The following PACS2 variants were observed in gnomAD, a reference collection of about 807,000 sequenced individuals.
The protein encoded by PACS2 is phosphofurin acidic cluster sorting protein 2, also known as PACS1-like protein.
In PACS2, 36 loss-of-function variants were observed where a neutral mutation model predicts 113.0. That is an observed-to-expected ratio of 0.32 (90% CI 0.24 to 0.42). PACS2 has a LOEUF of 0.42. Among genes scored for constraint, PACS2 ranks in the 10% least tolerant of loss-of-function variants. PACS2 has a pLI of 1.00. For synonymous variants in PACS2, 589 were observed against 536.1 expected (o/e 1.10, Z -1.36); for missense variants, 1,015 against 1,239.5 (o/e 0.82, Z 2.72).
chr14:105,316,788 G>C (rs587631652), intron 1 of PACS2, among the ~76,000 whole-genome samples: 1 of 152,202 alleles, frequency 6.6e-6, no homozygotes, highest in South Asian at 2.1e-4. Flanking sequence ...CTAAGTGCTG[G>C]GGGGGGTCCC....
At chr14:105,386,362 A>C (rs2081176297) in intron 19 of PACS2, among the ~76,000 whole-genome samples, 1 of 152,136 alleles carries the variant, frequency 6.6e-6, no homozygotes, top group Non-Finnish European at 1.5e-5. Flanking sequence ...ACCTGGGGCC[A>C]GCAGAGAGGG....
chr14:105,370,086 C>T (rs959244672), intron 8 of PACS2, 186 bp downstream of exon 8: 4 of 570,852 alleles, frequency 7.0e-6, no homozygotes, highest in South Asian at 4.3e-5. Flanking sequence ...CTCCAGGTCA[C>T]CCGCTGGGTC....
chr14:105,380,604 C>T (rs2080955413), intron 11 of PACS2, among the ~76,000 whole-genome samples: 1 of 151,712 alleles, frequency 6.6e-6, no homozygotes, highest in Admixed American at 6.6e-5. Context: ...TCACCCCACC[C>T]GCAGGGTCAG....
chr14:105,332,630 G>A (rs2059347096), intron 1 of PACS2, among the ~76,000 whole-genome samples: 2 of 152,188 alleles, frequency 1.3e-5, no homozygotes, highest in Non-Finnish European at 1.5e-5. Context: ...TTCCCAAGTG[G>A]GAGCTCCCTC....
intron 6 of PACS2, 45 bp downstream of exon 6, chr14:105,368,192 G>T (rs369532773): frequency 6.1e-5 from 82 of 1,351,434 alleles, no homozygotes; most frequent in Non-Finnish European, 6.8e-5. Flanking sequence ...GCTCACACCG[G>T]GTGTCCTGGG....
Position 105,353,228 on chromosome 14 carries a change from A to G in PACS2, c.297+761A>G, listed in dbSNP as rs140154288. ...CCCCTGGGGTGATGGGCACCCCCTC[A>G]TCACTGTCCCCTGGGGAGACGGGCA... On this transcript the variant is annotated intron_variant, in intron 3 of 24. Transcript: ENST00000447393. 6.4e-3 allele frequency among the ~76,000 whole-genome samples: 531 copies of G among 82,646 alleles called. 26 individuals carry two copies. Among genetic ancestry groups the G allele is most frequent in the African/African-American group, 0.025 (475 of 18,958 alleles). The allele number at this position is 82,646 out of a possible 152,430, so 54.2% of individuals were successfully genotyped here.
intron 1 of PACS2, among the ~76,000 whole-genome samples, chr14:105,316,155 T>G (rs2058613289): frequency 6.6e-6 from 1 of 152,164 alleles, no homozygotes; most frequent in Non-Finnish European, 1.5e-5. Context: ...GGGCTTTGGT[T>G]TTGCTGAGTG....
At chr14:105,309,848 C>T (rs1443122459), upstream of PACS2, among the ~76,000 whole-genome samples, 4 of 137,604 alleles carry the variant, frequency 2.9e-5, no homozygotes, top group Admixed American at 1.6e-4. This position sits in a 1 kb window ranked among gnomAD's most constrained non-coding sequence, Gnocchi z 4.0. Context: ...TGCAGTGGCA[C>T]AATCTCGGCT....
intron 2 of PACS2, among the ~76,000 whole-genome samples, chr14:105,349,952 C>T (rs1340841079): frequency 5.4e-5 from 8 of 147,416 alleles, no homozygotes; most frequent in African/African-American, 1.5e-4. Flanking sequence ...TCCAGGAGAG[C>T]GTGGCTAATA....
rs587651597 is a variant in PACS2 at position 105,383,632 on chromosome 14, T to C, written c.1780+119T>C. On this transcript the variant is annotated intron_variant, in intron 16 of 24. Transcript: ENST00000447393. Reference sequence around the variant, plus strand: ...TGGCGTGGCGTGGCGCGGTGTGTCGTGGTGTGGCGCGGTGTGGCATGGCGT... The same window carrying C: ...TGGCGTGGCGTGGCGCGGTGTGTCGCGGTGTGGCGCGGTGTGGCATGGCGT... 5.9e-5 allele frequency: 56 copies of C among 947,260 alleles called. No homozygotes were observed. In the African/African-American group the frequency reaches 6.6e-4, roughly 11 times the overall value. 58.7% of individuals were successfully genotyped at this position (947,260 alleles called of 1,614,324 possible).
chr14:105,353,206 C>T (rs1461093826), intron 3 of PACS2, among the ~76,000 whole-genome samples: 1 of 130,892 alleles, frequency 7.6e-6, no homozygotes, highest in Non-Finnish European at 1.6e-5. Flanking sequence ...TCACTGTCCC[C>T]TGGGGTGATG....
intron 5 of PACS2, 92 bp downstream of exon 5, chr14:105,367,467 G>A: frequency 7.6e-7 from 1 of 1,316,938 alleles, no homozygotes; most frequent in African/African-American, 1.5e-5. Context: ...TGTCCAGCCT[G>A]GCTTAAGGAG....
intron 19 of PACS2, chr14:105,389,727 A>G (rs990098449): frequency 1.7e-6 from 1 of 579,398 alleles, no homozygotes; most frequent in Non-Finnish European, 3.1e-6. Flanking sequence ...TTGTCCTTCC[A>G]GCATGTCAGC....
intron 22 of PACS2, 36 bp downstream of exon 22, chr14:105,391,802 C>A: frequency 6.4e-7 from 1 of 1,554,426 alleles, no homozygotes; most frequent in Non-Finnish European, 8.7e-7. Context: ...GTTTCACTTA[C>A]CCGCCCCACC....
intron 4 of PACS2, among the ~76,000 whole-genome samples, chr14:105,363,415 C>A (rs782811272): frequency 6.6e-6 from 1 of 152,210 alleles, no homozygotes; most frequent in African/African-American, 2.4e-5. Flanking sequence ...GCAGCTTCTC[C>A]GTCAGCACTT....
At position 105,358,334 on chromosome 14, in the gene PACS2, C is replaced by T. The variant is rs1311318717; in HGVS notation, c.423+3157C>T. On this transcript the variant is annotated intron_variant, in intron 4 of 24. Transcript: ENST00000447393. The surrounding 1 kb of genome is among the most constrained non-coding windows in gnomAD (Gnocchi z 4.9). ...GACCGCAGCCCCAGGGCCTGCTGGG[C>T]ACGCGCCTCTGCCTGCCACTTCTCA... 6.6e-6 allele frequency among the ~76,000 whole-genome samples: 1 copy of T among 152,210 alleles called. No homozygotes were observed. The highest frequency in any genetic ancestry group is 1.5e-5 in the Non-Finnish European group (1 of 68,022).
chr14:105,369,894 C>A lies in PACS2; in HGVS notation c.795C>A (p.Ser265=). The A allele has an allele frequency of 6.2e-7, 1 of 1,602,524 alleles. No homozygotes were observed. Among genetic ancestry groups the A allele is most frequent in the Non-Finnish European group, 8.5e-7 (1 of 1,177,928 alleles). ...CGCTGCTGCGGAGGTTCAAAGTGTC[C>A]GACGAGGTGAGTGCGCCGCGCCTTC... is the stretch of plus-strand genomic sequence containing the variant. ...VVALLRRFKV[S]DEVLDSEQDP... Residue 265 remains serine, a synonymous_variant, in exon 8 of 25, where the codon TCC becomes TCA. Transcript: ENST00000447393.
chr14:105,343,668 T>C lies in PACS2; in HGVS notation c.120-4825T>C, dbSNP rs371927653. ...TTATTTGCTATCAATGTATCTTTTC[T>C]GGTGAAACGTCTGTTCAAATATTTT... On this transcript the variant is annotated intron_variant, in intron 1 of 24. Coordinates refer to ENST00000447393, the MANE Select transcript of PACS2 (RefSeq NM_001100913.3). 2.4e-4 allele frequency among the ~76,000 whole-genome samples: 36 copies of C among 152,218 alleles called. No homozygotes were observed. The East Asian group carries it at 5.4e-3, about 23-fold the overall frequency.
chr14:105,343,087 A>G (rs2140973095), intron 1 of PACS2, among the ~76,000 whole-genome samples: 1 of 152,168 alleles, frequency 6.6e-6, no homozygotes, highest in Admixed American at 6.5e-5. Flanking sequence ...CACCCTCCCT[A>G]CTGACCTGGC....
Sources: gnomAD v4.1 joint callset for allele counts (sites outside exome capture counted in the v4.1 genomes callset) on GRCh38, gnomAD v4.1.1 for gene constraint, Gnocchi (gnomAD v3.1) non-coding constraint, MANE v1.5 for transcripts, NCBI Gene and HGNC (gene_info 2026-07-23, HGNC 2026-07-21) for gene names.